Variants in KIRREL3 observed in about 807,000 individuals in gnomAD.
KIRREL3 encodes kin of IRRE-like protein 3.
Under a neutral mutation model 89.7 loss-of-function variants are expected in KIRREL3, and 36 were observed. That is an observed-to-expected ratio of 0.40 (90% CI 0.31 to 0.53). KIRREL3 has a LOEUF of 0.53. Ranked by LOEUF, KIRREL3 falls within the 20% of genes least tolerant of loss-of-function variation. The pLI is 0.49. For missense variants in KIRREL3, 864 were observed against 1,056.6 expected, an observed-to-expected ratio of 0.82 and a Z score of 2.53; for synonymous variants, 445 against 441.4, an observed-to-expected ratio of 1.01 and a Z score of -0.10.
At chr11:126,894,573 AAAAGAAAGAAAGAAAG>A (rs534000266) in intron 1 of KIRREL3, among the ~76,000 whole-genome samples, 3 of 136,816 alleles carry the variant, frequency 2.2e-5, no homozygotes, top group African/African-American at 5.5e-5. Context: ...AAAAAAAAGG[AAAAGAAAGAAAGAAAG>A]AAAGAAAGAA....
chr11:126,893,450 G>T (rs78125139), intron 1 of KIRREL3, among the ~76,000 whole-genome samples: 2,288 of 152,308 alleles, frequency 0.015, 25 homozygotes, highest in Non-Finnish European at 0.023. Flanking sequence ...TTTGGTATGC[G>T]TGGGGATGCC....
chr11:126,851,620 A>G (rs1378899252), intron 1 of KIRREL3, among the ~76,000 whole-genome samples: 2 of 151,810 alleles, frequency 1.3e-5, no homozygotes, highest in East Asian at 3.9e-4. Flanking sequence ...CACATCCTGA[A>G]CCCCCACCAA....
At chr11:126,619,004 T>C (rs2134830487) in intron 1 of KIRREL3, among the ~76,000 whole-genome samples, 1 of 152,318 alleles carries the variant, frequency 6.6e-6, no homozygotes, top group Middle Eastern at 3.4e-3. Context: ...CTCATGGATC[T>C]TGACTTCTAG....
rs1001163846 is a variant in KIRREL3, at chr11:126,525,526, T to C, written c.283+1012A>G. 2.0e-5 allele frequency among the ~76,000 whole-genome samples: 3 copies of C among 152,220 alleles called. No individual in the cohort carries two copies. Among genetic ancestry groups the C allele is most frequent in the South Asian group, 2.1e-4 (1 of 4,834 alleles). On this transcript the variant is annotated intron_variant, in intron 3 of 16. Coordinates refer to ENST00000525144, the MANE Select transcript of KIRREL3 (RefSeq NM_032531.4). The surrounding 1 kb of genome is among the most constrained non-coding windows in gnomAD (Gnocchi z 5.4). ...ATATACATTTTTGGCAAGACATAAC[T>C]CACATTTAAAAATATTAATTTCCCA... is the stretch of plus-strand genomic sequence containing the variant.
At chr11:126,451,561 T>C (rs1049124045) in intron 7 of KIRREL3, among the ~76,000 whole-genome samples, 9 of 142,332 alleles carry the variant, frequency 6.3e-5, no homozygotes, top group African/African-American at 2.0e-4. Flanking sequence ...TGCATGTGTG[T>C]GATCATGTGC....
chr11:126,988,980 A>T (rs1302330237), intron 1 of KIRREL3, among the ~76,000 whole-genome samples: 1 of 152,092 alleles, frequency 6.6e-6, no homozygotes. Flanking sequence ...ACACTAACGC[A>T]GCTCTTGGTG....
intron 4 of KIRREL3, among the ~76,000 whole-genome samples, chr11:126,510,431 T>TCCTTCCTTCCTTCCTTCCTTCCTG (rs1565511002): frequency 2.1e-5 from 3 of 145,118 alleles, no homozygotes; most frequent in African/African-American, 7.8e-5. Flanking sequence ...TTTCCTTCCT[T>TCCTTCCTTCCTTCCTTCCTTCCTG]CCTTCCTTCC....
At chr11:126,560,406 C>T (rs1378427651) in intron 2 of KIRREL3, among the ~76,000 whole-genome samples, 1 of 152,208 alleles carries the variant, frequency 6.6e-6, no homozygotes, top group Non-Finnish European at 1.5e-5. Context: ...CTATCACGTG[C>T]CTCCTTAAAT....
Position 126,680,626 on chromosome 11 carries a change from T to C in KIRREL3, c.56-117714A>G, listed in dbSNP as rs534565606. Among the ~76,000 whole-genome samples, 7 of 152,180 alleles carry C rather than the reference T, an allele frequency of 4.6e-5. 1 individual carries two copies. In the East Asian group the frequency reaches 9.7e-4, roughly 21 times the overall value. On this transcript the variant is annotated intron_variant, in intron 1 of 16. Coordinates refer to ENST00000525144, the MANE Select transcript of KIRREL3 (RefSeq NM_032531.4). ...AACATCCCATGAAGATTAACTTATC[T>C]GGAGTAATTGCCTTAACTAGGGGAT...
In KIRREL3 at chr11:126,551,483, C is replaced by T. The variant is rs539954752; in HGVS notation, c.133+11352G>A. On this transcript the variant is annotated intron_variant, in intron 2 of 16. Coordinates refer to ENST00000525144, the MANE Select transcript of KIRREL3 (RefSeq NM_032531.4). This position sits in a 1 kb window ranked among gnomAD's most constrained non-coding sequence, Gnocchi z 4.9. ...GTGGATGAAATCCCCCCACCCCATG[C>T]GCCTCTATATAGAAACATGTCTAGA... 4.6e-5 allele frequency among the ~76,000 whole-genome samples: 7 copies of T among 152,190 alleles called. No homozygotes were observed. Among genetic ancestry groups the T allele is most frequent in the African/African-American group, 1.2e-4 (5 of 41,502 alleles).
At position 126,777,458 on chromosome 11, in the gene KIRREL3, A is replaced by G. The variant is rs146779312; in HGVS notation, c.56-214546T>C. On this transcript the variant is annotated intron_variant, in intron 1 of 16. Transcript: ENST00000525144. ...CAGGCAGAGAAGGATCTTGGACACC[A>G]AATGACAAGGTTTTACTCAAAAAAA... Among the ~76,000 whole-genome samples the G allele has an allele frequency of 2.1e-3, 316 of 152,144 alleles. 1 individual carries two copies. The South Asian group carries it at 0.025, about 12-fold the overall frequency.
intron 5 of KIRREL3, among the ~76,000 whole-genome samples, chr11:126,472,573 C>T (rs1213522842): frequency 6.6e-6 from 1 of 152,180 alleles, no homozygotes; most frequent in East Asian, 1.9e-4. Flanking sequence ...GAGCCACAAA[C>T]ATTCAGACCG....
intron 1 of KIRREL3, among the ~76,000 whole-genome samples, chr11:126,992,928 G>T (rs531245741): frequency 1.9e-4 from 29 of 152,220 alleles, no homozygotes; most frequent in South Asian, 1.9e-3. Context: ...ACATTCTTTA[G>T]CTAACACATC....
At position 126,486,404 on chromosome 11, in the gene KIRREL3, G is replaced by T. The variant is rs539328245; in HGVS notation, c.434-12938C>A. On this transcript the variant is annotated intron_variant, in intron 4 of 16. Coordinates refer to ENST00000525144, the MANE Select transcript of KIRREL3 (RefSeq NM_032531.4). This position sits in a 1 kb window ranked among gnomAD's most constrained non-coding sequence, Gnocchi z 6.2. Reference sequence around the variant, plus strand: ...ACCCTCCCAGTCCTGCGGAGCGAGAGACTTTCTCCTTTCTCCAGCCCAGCT... The same window carrying T: ...ACCCTCCCAGTCCTGCGGAGCGAGATACTTTCTCCTTTCTCCAGCCCAGCT... Among the ~76,000 whole-genome samples, 149 of 152,326 alleles carry T rather than the reference G, an allele frequency of 9.8e-4. 1 individual carries two copies. The highest frequency in any genetic ancestry group is 3.4e-3 in the Middle Eastern group (1 of 294).
chr11:126,584,998 A>T (rs1308351147), intron 1 of KIRREL3, among the ~76,000 whole-genome samples: 1 of 151,596 alleles, frequency 6.6e-6, no homozygotes, highest in African/African-American at 2.4e-5. Flanking sequence ...GGCTCACTGC[A>T]AGCTCCGCCT....
At chr11:126,841,679 T>C (rs1329886669) in intron 1 of KIRREL3, among the ~76,000 whole-genome samples, 1 of 152,216 alleles carries the variant, frequency 6.6e-6, no homozygotes, top group Non-Finnish European at 1.5e-5. Flanking sequence ...ATCCATTACA[T>C]TGCAATTAAT....
intron 1 of KIRREL3, among the ~76,000 whole-genome samples, chr11:126,662,578 A>T (rs1385821496): frequency 6.6e-6 from 1 of 152,236 alleles, no homozygotes; most frequent in East Asian, 1.9e-4. Context: ...CAAACACTGC[A>T]TAAAGCCTCT....
intron 1 of KIRREL3, among the ~76,000 whole-genome samples, chr11:126,593,085 G>A (rs371654930): frequency 6.6e-6 from 1 of 152,146 alleles, no homozygotes; most frequent in Admixed American, 6.5e-5. Flanking sequence ...TGTCTGAATG[G>A]GTCTCCAATA....
intron 1 of KIRREL3, among the ~76,000 whole-genome samples, chr11:126,765,573 T>G (rs1472688714): frequency 1.3e-5 from 2 of 152,216 alleles, no homozygotes; most frequent in Non-Finnish European, 2.9e-5. Flanking sequence ...TATTTACTAC[T>G]ACAGTTATTT....
Sources: gnomAD v4.1 joint callset for allele counts (sites outside exome capture counted in the v4.1 genomes callset) on GRCh38, gnomAD v4.1.1 for gene constraint, Gnocchi (gnomAD v3.1) non-coding constraint, MANE v1.5 for transcripts, NCBI Gene and HGNC (gene_info 2026-07-23, HGNC 2026-07-21) for gene names.